Variants in SAFB2 observed in about 807,000 individuals in gnomAD.
The protein encoded by SAFB2 is scaffold attachment factor B2.
In SAFB2, 32 loss-of-function variants were observed where a neutral mutation model predicts 100.6. The observed-to-expected ratio is 0.32, with a 90% CI of 0.24 to 0.43. The LOEUF is 0.43. Ranked by LOEUF, SAFB2 falls within the 20% of genes least tolerant of loss-of-function variation. SAFB2 has a pLI of 1.00. For missense variants in SAFB2, 1,185 were observed against 1,163.4 expected (o/e 1.02, Z -0.27); for synonymous variants, 500 against 439.4 (o/e 1.14, Z -1.72).
chr19:5,597,211 C>T (rs2052551918), intron 13 of SAFB2, among the ~76,000 whole-genome samples: 2 of 152,162 alleles, frequency 1.3e-5, no homozygotes, highest in Admixed American at 1.3e-4. Flanking sequence ...AGGTGCAACA[C>T]ACCCAGGAGA....
At chr19:5,607,243 AGAGC>A (rs557278417) in intron 9 of SAFB2, among the ~76,000 whole-genome samples, 2 of 152,370 alleles carry the variant, frequency 1.3e-5, no homozygotes, top group East Asian at 3.9e-4. Flanking sequence ...CCTAGGCGAC[AGAGC>A]GAGACTCCGT....
At position 5,602,494 on chromosome 19, in the gene SAFB2, A is replaced by AT. The variant is rs1200813168; in HGVS notation, c.1559+2088_1559+2089insA. Among the ~76,000 whole-genome samples, 100 of 151,080 alleles carry AT rather than the reference A, an allele frequency of 6.6e-4. 1 individual carries two copies. The highest frequency in any genetic ancestry group is 2.4e-3 in the African/African-American group (99 of 41,208). On this transcript the variant is annotated intron_variant, in intron 11 of 20. Coordinates refer to ENST00000252542, the MANE Select transcript of SAFB2 (RefSeq NM_014649.3). ...GACTCTGTCTCAAAAAAAAAAAAAA[A>AT]AAAAAAAAAAAATCTTAAGTCCATC...
intron 6 of SAFB2, chr19:5,611,873 A>C: frequency 1.5e-6 from 1 of 657,990 alleles, no homozygotes; most frequent in Non-Finnish European, 2.7e-6. Context: ...AACACCTACA[A>C]CCACGCGGCT....
At chr19:5,604,985 C>A in intron 9 of SAFB2, 49 bp from the exon 10 acceptor site, 2 of 1,589,466 alleles carry the variant, frequency 1.3e-6, no homozygotes, top group East Asian at 2.2e-5. Context: ...GACCACACAA[C>A]TTGCTAAAGT....
intron 2 of SAFB2, among the ~76,000 whole-genome samples, chr19:5,616,732 A>G (rs1195682914): frequency 7.2e-6 from 1 of 139,766 alleles, no homozygotes; most frequent in Non-Finnish European, 1.5e-5. Context: ...GCTCACTGCA[A>G]TCTCCACCTC....
chr19:5,593,705 G>A (rs1390048285), intron 15 of SAFB2, 186 bp downstream of exon 15: 1 of 591,148 alleles, frequency 1.7e-6, no homozygotes, highest in African/African-American at 2.0e-5. Context: ...CCTCCGGTGA[G>A]GACAGCGAAC....
At chr19:5,600,299 A>T in intron 11 of SAFB2, 39 bp from the exon 12 acceptor site, 1 of 1,605,310 alleles carries the variant, frequency 6.2e-7, no homozygotes, top group Non-Finnish European at 8.5e-7. Flanking sequence ...AGTTCACAAG[A>T]CTCTGTAACA....
chr19:5,590,893 C>T (rs963770206), intron 17 of SAFB2, among the ~76,000 whole-genome samples: 1 of 152,186 alleles, frequency 6.6e-6, no homozygotes, highest in Admixed American at 6.5e-5. Context: ...ATTACTCTGC[C>T]GCCCACCTCC....
intron 4 of SAFB2, 114 bp from the exon 5 acceptor site, chr19:5,613,641 T>C: frequency 6.6e-7 from 1 of 1,513,104 alleles, no homozygotes. Context: ...TTTTGCCATC[T>C]GCAAGTCTAC....
intron 18 of SAFB2, among the ~76,000 whole-genome samples, chr19:5,589,879 A>G (rs1163875131): frequency 1.3e-5 from 2 of 152,116 alleles, no homozygotes; most frequent in South Asian, 4.1e-4. Context: ...GGGGTCAGAG[A>G]AAAAACCCGA....
At chr19:5,604,560 G>A (rs1281397668) in intron 11 of SAFB2, 23 bp downstream of exon 11, 2 of 1,588,940 alleles carry the variant, frequency 1.3e-6, no homozygotes, top group Non-Finnish European at 1.7e-6. Flanking sequence ...GATTCCAAGA[G>A]GAGGTTTGAA....
intron 9 of SAFB2, among the ~76,000 whole-genome samples, chr19:5,609,455 C>T (rs2052857091): frequency 1.3e-5 from 2 of 152,212 alleles, no homozygotes; most frequent in South Asian, 4.1e-4. Context: ...AGGCACAGAA[C>T]ACCACGGCTG....
chr19:5,603,800 C>CA (rs1458228400), intron 11 of SAFB2, among the ~76,000 whole-genome samples: 4 of 152,212 alleles, frequency 2.6e-5, no homozygotes, highest in Non-Finnish European at 5.9e-5. Flanking sequence ...GACACAGCAC[C>CA]AACTGCTCAC....
At chr19:5,612,451 G>C in intron 6 of SAFB2, 89 bp downstream of exon 6, 1 of 1,235,192 alleles carries the variant, frequency 8.1e-7, no homozygotes, top group Non-Finnish European at 1.2e-6. Context: ...CAATTTACAA[G>C]ATCATAACAC....
Position 5,604,655 on chromosome 19 carries a change from T to C in SAFB2, c.1487A>G (p.Lys496Arg), listed in dbSNP as rs1434053145. ...EPAGKKLSDR[K>R]ECEVKKEKLS... ...TTTTTCCTTCTTCACTTCGCACTCT[T>C]TTCTGTCGGAAAGCTTTTTCCCAGC... Residue 496 changes from lysine (K) to arginine (R), a missense_variant, in exon 11 of 21, where the codon AAA becomes AGA. Lys to Arg is a conservative substitution (Grantham distance 26). This residue lies in a region of SAFB2 where 740 missense variants were observed against 687.1 expected (regional missense o/e 1.08). Coordinates refer to ENST00000252542, the MANE Select transcript of SAFB2 (RefSeq NM_014649.3). The C allele has an allele frequency of 1.2e-6, 2 of 1,614,122 alleles. No individual in the cohort carries two copies. Among genetic ancestry groups the C allele is most frequent in the Admixed American group, 3.3e-5 (2 of 60,008 alleles).
At position 5,590,141 on chromosome 19, in the gene SAFB2, CA is replaced by C; in HGVS notation, c.2525+136del. 4.0e-6 allele frequency: 3 copies of C among 754,778 alleles called. No individual in the cohort carries two copies. The South Asian group carries it at 7.1e-5, about 18-fold the overall frequency. 46.8% of individuals were successfully genotyped at this position (754,778 alleles called of 1,614,324 possible). ...CCTGGACTTTCTGAGTCAGGGGTTT[CA>C]AATGGCAGGACCCCTGGTAGCCCAT... On this transcript the variant is annotated intron_variant, in intron 18 of 20. Transcript: ENST00000252542.
At chr19:5,604,176 C>T (rs1282030324) in intron 11 of SAFB2, among the ~76,000 whole-genome samples, 1 of 152,154 alleles carries the variant, frequency 6.6e-6, no homozygotes, top group Non-Finnish European at 1.5e-5. Flanking sequence ...TTTGAGAGGC[C>T]AAGGCGGGCA....
In SAFB2 at chr19:5,598,266, CAG is replaced by C. The variant is rs567211649; in HGVS notation, c.1782+525_1782+526del. 2.4e-4 allele frequency among the ~76,000 whole-genome samples: 36 copies of C among 152,144 alleles called. No individual in the cohort carries two copies. In the South Asian group the frequency reaches 4.8e-3, roughly 20 times the overall value. ...TTAGCTAGAACCTGCAGCTGGGAAG[CAG>C]AGGTTTTTATTGTTTCCCAGAGTGA... On this transcript the variant is annotated intron_variant, in intron 13 of 20. Transcript: ENST00000252542.
rs1373699633 is a variant in SAFB2, at chr19:5,595,424, T to G, written c.1856A>C (p.Glu619Ala). 1 of 1,613,618 alleles carries G rather than the reference T, an allele frequency of 6.2e-7. No homozygotes were observed. The highest frequency in any genetic ancestry group is 8.5e-7 in the Non-Finnish European group (1 of 1,179,964). Reference protein sequence around the residue: ...RDILSFDKIKEQRERERQRQR... With the variant: ...RDILSFDKIKAQRERERQRQR... ...CCTCTGGCGCTCTCTCTCCCTTTGT[T>G]CTTTGATTTTATCAAACGACAAGAT... is the stretch of plus-strand genomic sequence containing the variant. Residue 619 changes from glutamate to alanine, a missense_variant, in exon 14 of 21, where the codon GAA becomes GCA. Physicochemically the swap from Glu to Ala is moderately radical, Grantham distance 107 (BLOSUM62 -1). Coordinates refer to ENST00000252542, the MANE Select transcript of SAFB2 (RefSeq NM_014649.3).
Sources: allele counts gnomAD v4.1 joint callset (sites outside exome capture counted in the v4.1 genomes callset), GRCh38; gene constraint gnomAD v4.1.1; regional missense constraint gnomAD v4.1.1; transcripts MANE v1.5; gene names NCBI Gene and HGNC (gene_info 2026-07-23, HGNC 2026-07-21).